The following LRP4 variants were observed in gnomAD, a reference collection of about 807,000 sequenced individuals.
LRP4 encodes LDL receptor related protein 4, also known as low-density lipoprotein receptor-related protein 4.
A neutral mutation model predicts 220.3 loss-of-function variants in LRP4; 95 were observed. The ratio of observed to expected loss-of-function variants is 0.43; its 90% CI spans 0.37 to 0.51. The LOEUF is 0.51. Among genes scored for constraint, LRP4 ranks in the 20% least tolerant of loss-of-function variants. The pLI is 0.00. For synonymous variants in LRP4, 903 were observed against 954.6 expected (o/e 0.95, Z 1.00); for missense variants, 1,925 against 2,567.0 (o/e 0.75, Z 5.40).
intron 11 of LRP4, 107 bp from the exon 12 acceptor site, chr11:46,894,926 T>A (rs773859999): frequency 9.3e-7 from 1 of 1,079,586 alleles, no homozygotes; most frequent in Non-Finnish European, 1.4e-6. Flanking sequence ...CACAAGGACA[T>A]GCCCCAAGCT....
chr11:46,917,829 A>C (rs1200375745), intron 1 of LRP4, among the ~76,000 whole-genome samples: 4 of 152,102 alleles, frequency 2.6e-5, no homozygotes, highest in Non-Finnish European at 5.9e-5. Flanking sequence ...CTCCGAGTAG[A>C]GGAATCCCGG....
At chr11:46,914,074 A>G (rs1166089069) in intron 1 of LRP4, among the ~76,000 whole-genome samples, 1 of 152,072 alleles carries the variant, frequency 6.6e-6, no homozygotes, top group Admixed American at 6.5e-5. Flanking sequence ...GCTTACAGCT[A>G]ACTTTTATCA....
chr11:46,895,091 C>A, intron 11 of LRP4, 75 bp downstream of exon 11: 1 of 1,597,008 alleles, frequency 6.3e-7, no homozygotes, highest in Non-Finnish European at 8.5e-7. Flanking sequence ...TCTGCAAATC[C>A]CTGAGCACCA....
At chr11:46,912,891 A>C (rs1941887426) in intron 1 of LRP4, among the ~76,000 whole-genome samples, 1 of 152,056 alleles carries the variant, frequency 6.6e-6, no homozygotes, top group Non-Finnish European at 1.5e-5. Flanking sequence ...ATGCAGCAGC[A>C]CCTCTGTGTC....
chr11:46,867,889 C>A, intron 34 of LRP4, 90 bp downstream of exon 34: 1 of 1,514,996 alleles, frequency 6.6e-7, no homozygotes, highest in South Asian at 1.2e-5. Flanking sequence ...AATCTATCTC[C>A]CAACTGCCTT....
Position 46,864,493 on chromosome 11 carries a change from C to A in LRP4, c.5198G>T (p.Ser1733Ile). The A allele has an allele frequency of 3.7e-6, 6 of 1,613,952 alleles. No individual in the cohort carries two copies. The highest frequency in any genetic ancestry group is 5.1e-6 in the Non-Finnish European group (6 of 1,179,890). The change falls in exon 36 of 38, where the codon AGT becomes ATT. Residue 1733 changes from serine to isoleucine, a missense_variant. Ser to Ile is a moderately radical substitution (Grantham distance 142). Around this residue, in one of 3 missense-constraint regions of LRP4, gnomAD observed 1,244 missense variants for 1,624.9 expected, o/e 0.77. Coordinates refer to ENST00000378623, the MANE Select transcript of LRP4 (RefSeq NM_002334.4). ...AATCACCACCAAAATCAGCAGAATA[C>A]TGAGGAGTCCACCAATGGCGTAGCT... ...HISYAIGGLL[S>I]ILLILVVIAA...
chr11:46,899,543 C>A lies in LRP4; in HGVS notation c.431-40G>T, dbSNP rs778895487. ...TGGGACAGCAGTTCTGAGGGGGCCC[C>A]ACAGGCAACCCTCTCACCCTCCTCT... On this transcript the variant is annotated intron_variant, in intron 4 of 37. Coordinates refer to ENST00000378623, the MANE Select transcript of LRP4 (RefSeq NM_002334.4). This position sits in a 1 kb window ranked among gnomAD's most constrained non-coding sequence, Gnocchi z 5.9. The A allele has an allele frequency of 7.3e-7, 1 of 1,378,246 alleles. No individual in the cohort carries two copies. 85.4% of individuals were successfully genotyped at this position (1,378,246 alleles called of 1,614,324 possible).
At chr11:46,891,428 T>TACACACACACAC (rs57116396) in intron 13 of LRP4, among the ~76,000 whole-genome samples, 6 of 147,192 alleles carry the variant, frequency 4.1e-5, no homozygotes, top group African/African-American at 1.5e-4. Flanking sequence ...TTGTATTTTA[T>TACACACACACAC]ACACACACAC....
At chr11:46,889,701 G>T in intron 15 of LRP4, 168 bp from the exon 16 acceptor site, 1 of 919,352 alleles carries the variant, frequency 1.1e-6, no homozygotes, top group Non-Finnish European at 1.7e-6. Flanking sequence ...CGGCACAGAG[G>T]AGATGCCCTG....
At position 46,894,771 on chromosome 11, in the gene LRP4, A is replaced by G; in HGVS notation, c.1358T>C (p.Val453Ala). 5.0e-6 allele frequency: 8 copies of G among 1,614,226 alleles called. No individual in the cohort carries two copies. Among genetic ancestry groups the G allele is most frequent in the Non-Finnish European group, 6.8e-6 (8 of 1,180,044 alleles). ...LFANRIDIRQ[V>A]LPHRSEYTLL... ...TGTGTACTCAGAGCGGTGTGGCAGC[A>G]CCTGCCGGATGTCGATGCGATTGGC... is the stretch of plus-strand genomic sequence containing the variant. Residue 453 changes from valine to alanine, a missense_variant, in exon 12 of 38, where the codon GTG (valine) becomes GCG (alanine). Transcript: ENST00000378623.
chr11:46,876,074 A>G, intron 25 of LRP4, 108 bp from the exon 26 acceptor site: 2 of 1,315,758 alleles, frequency 1.5e-6, no homozygotes, highest in Admixed American at 3.7e-5. Context: ...ACAGTATGTC[A>G]GGCAAAATTT....
chr11:46,889,644 G>T, intron 15 of LRP4, 111 bp from the exon 16 acceptor site: 1 of 1,459,396 alleles, frequency 6.9e-7, no homozygotes, highest in Non-Finnish European at 9.4e-7. Context: ...GAGAAACTAT[G>T]TCTTATATTT....
rs777142871 is a variant in LRP4, at chr11:46,875,473, T to G, written c.3908A>C (p.Asp1303Ala). The G allele has an allele frequency of 6.2e-7, 1 of 1,613,868 alleles. No homozygotes were observed. Among genetic ancestry groups the G allele is most frequent in the Non-Finnish European group, 8.5e-7 (1 of 1,179,908 alleles). ...ACTCTCACCTAGTGGCTGTGCCCGG[T>G]CCACAGCCTGCATGTCCATGAGGCC... ...LPGLMDMQAV[D>A]RAQPLGFNKC... The change falls in exon 27 of 38, where the codon GAC becomes GCC. Residue 1303 changes from aspartate to alanine, a missense_variant. Coordinates refer to ENST00000378623, the MANE Select transcript of LRP4 (RefSeq NM_002334.4). The surrounding 1 kb of genome is among the most constrained non-coding windows in gnomAD (Gnocchi z 4.5).
intron 30 of LRP4, 103 bp downstream of exon 30, chr11:46,872,997 T>C: frequency 3.3e-6 from 5 of 1,495,212 alleles, no homozygotes; most frequent in Non-Finnish European, 4.6e-6. Flanking sequence ...CTTCCCCACA[T>C]ACCAAGAAGC....
chr11:46,861,057 T>C (rs1940532393), intron 37 of LRP4: 3 of 562,128 alleles, frequency 5.3e-6, no homozygotes, highest in Non-Finnish European at 6.8e-6. Flanking sequence ...GTGGCCTTCA[T>C]TGTGGTTCTT....
chr11:46,902,358 C>CAA (rs58839181), intron 2 of LRP4, among the ~76,000 whole-genome samples: 16 of 92,380 alleles, frequency 1.7e-4, no homozygotes, highest in South Asian at 4.1e-4. Flanking sequence ...GACTCTGTAT[C>CAA]AAAAAAAAAA....
At chr11:46,889,887 C>A in intron 15 of LRP4, 57 bp downstream of exon 15, 1 of 1,593,288 alleles carries the variant, frequency 6.3e-7, no homozygotes, top group Non-Finnish European at 8.6e-7. Context: ...CTCAGAGGCA[C>A]CAGAGGCCAC....
rs1247207663 is a variant in LRP4, at chr11:46,873,550, G to A, written c.4273C>T (p.Arg1425Ter). Residue 1425 changes from arginine to a stop codon, truncating the protein, a stop_gained, in exon 29 of 38, where the codon CGA (arginine) becomes TGA (stop). Transcript: ENST00000378623. LOFTEE classifies it high-confidence loss of function. This position sits in a 1 kb window ranked among gnomAD's most constrained non-coding sequence, Gnocchi z 4.2. ...AGCCCGTCAGTGGTCTTCAGCCCTC[G>A]CCCGATCACTGTCTCCATGTTGCTG... ...NGSNMETVIG[R>*]GLKTTDGLAV... is the part of the protein sequence containing the mutation. 1.9e-6 allele frequency: 3 copies of A among 1,613,964 alleles called. No homozygotes were observed. Among genetic ancestry groups the A allele is most frequent in the Admixed American group, 1.7e-5 (1 of 60,012 alleles).
At position 46,918,446 on chromosome 11, in the gene LRP4, G is replaced by A. The variant is rs1941987108; in HGVS notation, c.-67C>T. On this transcript the variant is annotated 5_prime_UTR_variant, in exon 1 of 38. Transcript: ENST00000378623. The surrounding 1 kb of genome is among the most constrained non-coding windows in gnomAD (Gnocchi z 6.0). The stretch of plus-strand genomic sequence containing the variant: ...GCCGGACGGCGCGGCGGAGAAGCCC[G>A]CGGAGGGTCCCCGAGGGGGAAGCGT... 3 of 1,223,118 alleles carry A rather than the reference G, an allele frequency of 2.5e-6. No homozygotes were observed. The Admixed American group carries it at 1.3e-4, about 53-fold the overall frequency. 75.8% of individuals were successfully genotyped at this position (1,223,118 alleles called of 1,614,324 possible).
Sources: gnomAD v4.1 joint callset for allele counts (sites outside exome capture counted in the v4.1 genomes callset) on GRCh38, gnomAD v4.1.1 for gene constraint, gnomAD v4.1.1 regional missense constraint, Gnocchi (gnomAD v3.1) non-coding constraint, MANE v1.5 for transcripts, NCBI Gene and HGNC (gene_info 2026-07-23, HGNC 2026-07-21) for gene names.